KHDRBS3: variants seen among roughly 807,000 people sequenced by gnomAD.
KHDRBS3 encodes the protein KH RNA binding domain containing, signal transduction associated 3.
Under a neutral mutation model 45.6 loss-of-function variants are expected in KHDRBS3, and 23 were observed. That is an observed-to-expected ratio of 0.50 (90% CI 0.36 to 0.72). KHDRBS3 has a LOEUF of 0.72. KHDRBS3 is among the 30% of genes least tolerant of loss of function. The pLI, the probability that KHDRBS3 is intolerant of heterozygous loss-of-function variation, is 0.00. For missense variants in KHDRBS3, 352 were observed against 424.8 expected, an observed-to-expected ratio of 0.83 and a Z score of 1.51; for synonymous variants, 162 against 156.5, an observed-to-expected ratio of 1.04 and a Z score of -0.26.
At chr8:135,564,216 T>G (rs2130859367) in intron 5 of KHDRBS3, among the ~76,000 whole-genome samples, 1 of 152,338 alleles carries the variant, frequency 6.6e-6, no homozygotes, top group Admixed American at 6.5e-5. Flanking sequence ...ATGTCACATC[T>G]TTGTGACGCT....
At chr8:135,651,115 A>G (rs1056114433), downstream of KHDRBS3, among the ~76,000 whole-genome samples, 2 of 152,078 alleles carry the variant, frequency 1.3e-5, no homozygotes, top group African/African-American at 4.8e-5. Flanking sequence ...AGGTAGCAGA[A>G]GGGGCCCATG....
At chr8:135,560,214 ATATG>A (rs1246701613) in intron 5 of KHDRBS3, among the ~76,000 whole-genome samples, 10 of 152,090 alleles carry the variant, frequency 6.6e-5, no homozygotes, top group African/African-American at 2.4e-4. Flanking sequence ...GATGAACACT[ATATG>A]TAGTATTCAT....
At chr8:135,641,160 A>T (rs1278814395) in intron 7 of KHDRBS3, among the ~76,000 whole-genome samples, 3 of 152,194 alleles carry the variant, frequency 2.0e-5, no homozygotes, top group Non-Finnish European at 4.4e-5. Flanking sequence ...GCATTAAAAA[A>T]CATTCTTTAC....
chr8:135,510,241 G>A (rs1586634132), intron 1 of KHDRBS3, among the ~76,000 whole-genome samples: 1 of 152,112 alleles, frequency 6.6e-6, no homozygotes, highest in African/African-American at 2.4e-5. Context: ...GTAATTACAG[G>A]TGTTAGCCAC....
chr8:135,504,939 CA>C (rs1402912215), intron 1 of KHDRBS3, among the ~76,000 whole-genome samples: 1 of 152,132 alleles, frequency 6.6e-6, no homozygotes, highest in East Asian at 1.9e-4. Flanking sequence ...ACCACTATAG[CA>C]GTACTTCACT....
chr8:135,462,092 TGTAAA>T (rs200793019), intron 1 of KHDRBS3, among the ~76,000 whole-genome samples: 2,594 of 152,286 alleles, frequency 0.017, 29 homozygotes, highest in Non-Finnish European at 0.025. Context: ...GTCACAGACT[TGTAAA>T]GTAGAGAGTA....
chr8:135,540,539 C>T (rs1168096135), intron 2 of KHDRBS3: 3 of 152,178 alleles, frequency 2.0e-5, no homozygotes, highest in African/African-American at 7.2e-5. Flanking sequence ...AACTGTGAGG[C>T]TCCAAGATAC....
At chr8:135,475,708 G>A (rs1296535787) in intron 1 of KHDRBS3, among the ~76,000 whole-genome samples, 2 of 152,112 alleles carry the variant, frequency 1.3e-5, no homozygotes, top group African/African-American at 4.8e-5. Flanking sequence ...ATAATGATCT[G>A]TGATTTGTTG....
At chr8:135,483,030 G>A (rs1269351114) in intron 1 of KHDRBS3, among the ~76,000 whole-genome samples, 4 of 152,050 alleles carry the variant, frequency 2.6e-5, no homozygotes, top group Non-Finnish European at 5.9e-5. Context: ...CTTATTCCTG[G>A]AGACAATATC....
intron 1 of KHDRBS3, among the ~76,000 whole-genome samples, chr8:135,472,207 G>A (rs2130220289): frequency 6.6e-6 from 1 of 152,342 alleles, no homozygotes; most frequent in East Asian, 1.9e-4. Flanking sequence ...CTATGGCAGT[G>A]TGGGCACTAG....
intron 7 of KHDRBS3, among the ~76,000 whole-genome samples, chr8:135,640,737 G>GCCT (rs1831025920): frequency 6.6e-6 from 1 of 152,140 alleles, no homozygotes; most frequent in Admixed American, 6.5e-5. Context: ...TGAGAGAGGG[G>GCCT]CCTCCCTGAT....
rs555094394 is a variant in KHDRBS3 at position 135,602,585 on chromosome 8, T to TA, written c.808-4370_808-4369insA. On this transcript the variant is annotated intron_variant, in intron 6 of 8. Transcript: ENST00000355849. ...ACTGCTTAATATTTTAGTTTTTTTT[T>TA]TATAATTCTAGTCATTTACAATCTT... Among the ~76,000 whole-genome samples, 252 of 152,198 alleles carry TA rather than the reference T, an allele frequency of 1.7e-3. 1 individual carries two copies. The highest frequency in any genetic ancestry group is 3.2e-3 in the Non-Finnish European group (218 of 67,984).
chr8:135,617,053 C>A (rs77501068), intron 7 of KHDRBS3, among the ~76,000 whole-genome samples: 4 of 151,962 alleles, frequency 2.6e-5, no homozygotes, highest in South Asian at 4.2e-4. Flanking sequence ...AGCTCTACGA[C>A]GTTGACTAGG....
At chr8:135,648,338 G>A (rs1182517592), downstream of KHDRBS3, among the ~76,000 whole-genome samples, 1 of 152,148 alleles carries the variant, frequency 6.6e-6, no homozygotes, top group African/African-American at 2.4e-5. Context: ...TTAAACAACT[G>A]TAAAACCTCA....
In KHDRBS3 at chr8:135,647,001, G is replaced by A. The variant is rs1831318347; in HGVS notation, c.958G>A (p.Glu320Lys). 1 of 1,583,360 alleles carries A rather than the reference G, an allele frequency of 6.3e-7. No homozygotes were observed. Among genetic ancestry groups the A allele is most frequent in the African/African-American group, 1.3e-5 (1 of 74,340 alleles). The change falls in exon 9 of 9, where the codon GAG becomes AAG. Residue 320 changes from glutamate to lysine, a missense_variant. Glu to Lys is a moderately conservative substitution (Grantham distance 56). This residue lies in a region of KHDRBS3 where 212 missense variants were observed against 209.6 expected (regional missense o/e 1.01). Coordinates refer to ENST00000355849, the MANE Select transcript of KHDRBS3 (RefSeq NM_006558.3). Reference protein sequence around the residue: ...EETYDSYGQEEWTNSRHKAPS... With the variant: ...EETYDSYGQEKWTNSRHKAPS... ...CATCTTACTGATTGTAGGGCAAGAA[G>A]AGTGGACTAACTCAAGACACAAGGC...
intron 6 of KHDRBS3, among the ~76,000 whole-genome samples, chr8:135,604,788 T>C (rs1829380536): frequency 6.6e-6 from 1 of 151,844 alleles, no homozygotes; most frequent in South Asian, 2.1e-4. Context: ...AAAAAGCTTA[T>C]ACTATCTTTT....
intron 7 of KHDRBS3, among the ~76,000 whole-genome samples, chr8:135,628,546 TG>T (rs1302312145): frequency 2.0e-5 from 3 of 152,360 alleles, no homozygotes; most frequent in Non-Finnish European, 4.4e-5. Flanking sequence ...ATAGAATACA[TG>T]GCTTATAATA....
chr8:135,522,401 C>G (rs1824959621), intron 2 of KHDRBS3, among the ~76,000 whole-genome samples: 1 of 152,142 alleles, frequency 6.6e-6, no homozygotes, highest in South Asian at 2.1e-4. Context: ...CAAGTTGTTT[C>G]ATAACCAGAT....
chr8:135,603,034 T>G (rs1474150912), intron 6 of KHDRBS3, among the ~76,000 whole-genome samples: 1 of 152,256 alleles, frequency 6.6e-6, no homozygotes, highest in Admixed American at 6.5e-5. Context: ...TAATGGAAAC[T>G]TCTACTTTCT....
Sources: allele counts gnomAD v4.1 joint callset (sites outside exome capture counted in the v4.1 genomes callset), GRCh38; gene constraint gnomAD v4.1.1; regional missense constraint gnomAD v4.1.1; transcripts MANE v1.5; gene names NCBI Gene and HGNC (gene_info 2026-07-23, HGNC 2026-07-21).